Variants in RP1 observed in about 807,000 individuals in gnomAD.
RP1 encodes the protein oxygen-regulated protein 1.
RP1 carries 16 observed loss-of-function variants against 14.8 expected under a neutral mutation model. The observed-to-expected ratio is 1.08, with a 90% CI of 0.73 to 1.65. The LOEUF (loss-of-function observed/expected upper bound fraction) is 1.65, where lower values mean the gene tolerates loss of function less well. RP1 is among the 40% of genes most tolerant of loss of function. The probability of loss-of-function intolerance (pLI) is 0.00; values close to 1 mark genes in which losing one functional copy is unlikely to be tolerated. For synonymous variants in RP1, 876 were observed against 883.6 expected, an observed-to-expected ratio of 0.99 and a Z score of 0.15; for missense variants, 2,631 against 2,535.0, an observed-to-expected ratio of 1.04 and a Z score of -0.81.
chr8:54,744,714 T>C (rs1222868520), intron 19 of RP1, among the ~76,000 whole-genome samples: 1 of 152,224 alleles, frequency 6.6e-6, no homozygotes, highest in Non-Finnish European at 1.5e-5. Flanking sequence ...ATTTCACAAA[T>C]ACACTGGAAG....
intron 12 of RP1, among the ~76,000 whole-genome samples, chr8:54,686,795 T>G (rs998695352): frequency 6.6e-6 from 1 of 152,168 alleles, no homozygotes; most frequent in Non-Finnish European, 1.5e-5. Context: ...TTTCAAAATA[T>G]TTACTATAAA....
chr8:54,697,410 C>A (rs1300215665), intron 12 of RP1, among the ~76,000 whole-genome samples: 1 of 152,072 alleles, frequency 6.6e-6, no homozygotes, highest in Non-Finnish European at 1.5e-5. Flanking sequence ...CAAAAATTAG[C>A]TGGGCATGGT....
chr8:54,744,398 G>A (rs778783700), intron 19 of RP1, among the ~76,000 whole-genome samples: 3 of 152,136 alleles, frequency 2.0e-5, no homozygotes, highest in Non-Finnish European at 4.4e-5. Context: ...GAGCCCCGAA[G>A]GGAAGGTTAT....
At chr8:54,741,709 A>ATG (rs1290303852) in intron 19 of RP1, among the ~76,000 whole-genome samples, 13 of 68,872 alleles carry the variant, frequency 1.9e-4, no homozygotes, top group East Asian at 6.0e-4. Flanking sequence ...ATGTGTGTGT[A>ATG]TATATATATA....
chr8:54,806,241 A>T (rs888918288), intron 24 of RP1, among the ~76,000 whole-genome samples: 2 of 151,554 alleles, frequency 1.3e-5, no homozygotes, highest in Non-Finnish European at 2.9e-5. Flanking sequence ...CTGGTCTCGA[A>T]CTCCTGACCT....
intron 24 of RP1, among the ~76,000 whole-genome samples, chr8:54,828,061 A>C (rs1177448141): frequency 6.6e-6 from 1 of 152,160 alleles, no homozygotes; most frequent in African/African-American, 2.4e-5. Flanking sequence ...CAGCGACAAA[A>C]ACATGCATGG....
chr8:54,570,218 G>A (rs1804491894), intron 1 of RP1, among the ~76,000 whole-genome samples: 1 of 152,190 alleles, frequency 6.6e-6, no homozygotes, highest in African/African-American at 2.4e-5. Flanking sequence ...ATGTCATGAG[G>A]GAGGGAGAAG....
chr8:54,796,835 A>G (rs537638038), intron 24 of RP1, among the ~76,000 whole-genome samples: 39 of 152,324 alleles, frequency 2.6e-4, no homozygotes, highest in African/African-American at 9.4e-4. Context: ...AGAATCCAAC[A>G]GTCAGATGCT....
chr8:54,797,821 C>T (rs1346101787), intron 24 of RP1, among the ~76,000 whole-genome samples: 1 of 148,066 alleles, frequency 6.8e-6, no homozygotes, highest in Non-Finnish European at 1.5e-5. Context: ...TTATTAGGTT[C>T]CTATATTTTT....
chr8:54,565,071 A>G (rs1804372221), intron 1 of RP1, among the ~76,000 whole-genome samples: 1 of 152,178 alleles, frequency 6.6e-6, no homozygotes, highest in African/African-American at 2.4e-5. Context: ...GCTGAGAACC[A>G]CAGCTTCTCA....
chr8:54,623,011 A>G (rs1174469775), intron 3 of RP1, among the ~76,000 whole-genome samples: 1 of 152,104 alleles, frequency 6.6e-6, no homozygotes, highest in Non-Finnish European at 1.5e-5. Context: ...TGTTTTTTAT[A>G]CTTAAATTTA....
At chr8:54,820,313 T>C (rs1034758382) in intron 24 of RP1, among the ~76,000 whole-genome samples, 6 of 152,118 alleles carry the variant, frequency 3.9e-5, no homozygotes, top group Non-Finnish European at 7.4e-5. Flanking sequence ...GTTGTATACA[T>C]TGCAAGATCA....
intron 17 of RP1, among the ~76,000 whole-genome samples, chr8:54,732,118 C>A (rs1322485470): frequency 6.6e-6 from 1 of 152,204 alleles, no homozygotes; most frequent in Non-Finnish European, 1.5e-5. Context: ...TTGGCACCTG[C>A]AGTTCTTCCA....
Position 54,847,074 on chromosome 8 carries a change from A to G in RP1, c.3836-5500A>G, listed in dbSNP as rs138252310. 7.9e-5 allele frequency among the ~76,000 whole-genome samples: 12 copies of G among 152,224 alleles called. No individual in the cohort carries two copies. The East Asian group carries it at 2.3e-3, about 29-fold the overall frequency. Reference sequence around the variant, plus strand: ...ATGCTTCCTCAGGGCTGCCCCCAAGATCCAACCCTCAGCATCTGCTGGTGC... The same window carrying G: ...ATGCTTCCTCAGGGCTGCCCCCAAGGTCCAACCCTCAGCATCTGCTGGTGC... On this transcript the variant is annotated intron_variant, in intron 25 of 28. Coordinates refer to the RP1 transcript ENST00000637698.
intron 12 of RP1, among the ~76,000 whole-genome samples, chr8:54,686,880 A>T (rs1386890125): frequency 6.6e-6 from 1 of 152,120 alleles, no homozygotes; most frequent in African/African-American, 2.4e-5. Flanking sequence ...CTGGATTTGG[A>T]TATAATTGAT....
intron 16 of RP1, chr8:54,726,194 A>G: frequency 1.2e-6 from 1 of 861,406 alleles, no homozygotes; most frequent in South Asian, 2.8e-5. Context: ...ATTTTCTGTT[A>G]ACTATGTAAT....
chr8:54,583,282 G>A (rs1804840450), intron 1 of RP1, among the ~76,000 whole-genome samples: 1 of 152,170 alleles, frequency 6.6e-6, no homozygotes, highest in Admixed American at 6.5e-5. Flanking sequence ...CGTTGGTTCT[G>A]TTTATATGCT....
intron 1 of RP1, among the ~76,000 whole-genome samples, chr8:54,579,858 G>A (rs907986958): frequency 6.6e-6 from 1 of 152,128 alleles, no homozygotes; most frequent in Non-Finnish European, 1.5e-5. Context: ...GCCTGCACAC[G>A]GGTAACTGCA....
At chr8:54,714,195 G>T (rs113821554) in intron 15 of RP1, among the ~76,000 whole-genome samples, 3,686 of 152,150 alleles carry the variant, frequency 0.024, 163 homozygotes, top group African/African-American at 0.083. Flanking sequence ...CAAAGTGCTG[G>T]GATTACAGGC....
Sources: allele counts gnomAD v4.1 joint callset (sites outside exome capture counted in the v4.1 genomes callset), GRCh38; gene constraint gnomAD v4.1.1; transcripts MANE v1.5; gene names NCBI Gene and HGNC (gene_info 2026-07-23, HGNC 2026-07-21).